The following DIAPH2 variants were observed in gnomAD, a reference collection of about 807,000 sequenced individuals.
DIAPH2 encodes the protein diaphanous related formin 2, also known as protein diaphanous homolog 2.
In DIAPH2, 35 loss-of-function variants were observed where a neutral mutation model predicts 92.7. The ratio of observed to expected loss-of-function variants is 0.38; its 90% confidence interval spans 0.29 to 0.50. DIAPH2 has a LOEUF of 0.50. Ranked by LOEUF, DIAPH2 falls within the 20% of genes least tolerant of loss-of-function variation. The pLI is 0.94. For synonymous variants in DIAPH2, 301 were observed against 280.4 expected, an observed-to-expected ratio of 1.07 and a Z score of -0.73; for missense variants, 701 against 819.5, an observed-to-expected ratio of 0.86 and a Z score of 1.77.
At chrX:97,305,029 G>A (rs991140923) in intron 23 of DIAPH2, among the ~76,000 whole-genome samples, 14 of 111,736 alleles carry the variant, frequency 1.3e-4, no homozygotes, top group Non-Finnish European at 2.6e-4. Context: ...AGGTGAAAAT[G>A]ATTATGTAGG....
chrX:97,549,408 T>A (rs1022393671), intron 26 of DIAPH2, among the ~76,000 whole-genome samples: 1 of 111,761 alleles, frequency 8.9e-6, no homozygotes, highest in Non-Finnish European at 1.9e-5. Context: ...GATACCCCCT[T>A]CACCCAGATT....
At chrX:97,060,057 CT>C (rs1335209087) in intron 17 of DIAPH2, among the ~76,000 whole-genome samples, 1 of 112,666 alleles carries the variant, frequency 8.9e-6, no homozygotes, top group African/African-American at 3.2e-5. Context: ...TATTACAACA[CT>C]TTTGTTCCAA....
At chrX:96,850,043 T>G (rs2064997468) in intron 4 of DIAPH2, among the ~76,000 whole-genome samples, 1 of 111,257 alleles carries the variant, frequency 9.0e-6, no homozygotes, top group African/African-American at 3.3e-5. Context: ...GTAAAATACC[T>G]AGAAATAATT....
At chrX:96,749,266 G>C (rs1367386397) in intron 3 of DIAPH2, among the ~76,000 whole-genome samples, 2 of 107,486 alleles carry the variant, frequency 1.9e-5, no homozygotes, top group Non-Finnish European at 3.8e-5. Flanking sequence ...GTAAAAATGA[G>C]AAAAACATGA....
intron 4 of DIAPH2, among the ~76,000 whole-genome samples, chrX:96,812,128 C>T (rs1454629822): frequency 9.0e-6 from 1 of 111,423 alleles, no homozygotes; most frequent in East Asian, 2.8e-4. Flanking sequence ...TGGTAGAATT[C>T]GGCTGTGAAT....
intron 3 of DIAPH2, among the ~76,000 whole-genome samples, chrX:96,741,623 G>A (rs2064120414): frequency 9.1e-6 from 1 of 109,560 alleles, no homozygotes; most frequent in Admixed American, 9.8e-5. Context: ...CCACAGGCAT[G>A]CAGTGCACCA....
intron 26 of DIAPH2, among the ~76,000 whole-genome samples, chrX:97,575,098 A>G (rs1377615989): frequency 8.8e-6 from 1 of 113,056 alleles, no homozygotes; most frequent in Non-Finnish European, 1.9e-5. Context: ...TATGATTGCT[A>G]TATGATAGCT....
chrX:97,416,354 A>G (rs185644784), intron 25 of DIAPH2, among the ~76,000 whole-genome samples: 2 of 112,125 alleles, frequency 1.8e-5, no homozygotes, highest in Admixed American at 9.5e-5. Flanking sequence ...TTCACATTAG[A>G]CAAGAGGTTG....
chrX:97,072,335 A>AT (rs2066675073), intron 17 of DIAPH2, among the ~76,000 whole-genome samples: 1 of 112,224 alleles, frequency 8.9e-6, no homozygotes, highest in Admixed American at 9.5e-5. Context: ...AGCAAATAGT[A>AT]TTTTTCAAAT....
intron 23 of DIAPH2, among the ~76,000 whole-genome samples, chrX:97,274,334 C>A (rs1268454613): frequency 9.2e-6 from 1 of 108,491 alleles, no homozygotes; most frequent in Non-Finnish European, 1.9e-5. Flanking sequence ...ATGGTGAAAC[C>A]CTGTCTCTAC....
At chrX:97,111,134 G>T (rs2066977740) in intron 20 of DIAPH2, among the ~76,000 whole-genome samples, 1 of 112,253 alleles carries the variant, frequency 8.9e-6, no homozygotes, top group Admixed American at 9.4e-5. Context: ...CCTTCCCACA[G>T]CTGTAGAGGC....
At chrX:97,159,351 A>G (rs2067348088) in intron 22 of DIAPH2, among the ~76,000 whole-genome samples, 1 of 112,247 alleles carries the variant, frequency 8.9e-6, no homozygotes. Flanking sequence ...ATAATATATT[A>G]TGGTTCTCTG....
At chrX:97,416,181 C>T (rs2069944283) in intron 25 of DIAPH2, among the ~76,000 whole-genome samples, 1 of 112,150 alleles carries the variant, frequency 8.9e-6, no homozygotes. Flanking sequence ...AAGGTAAATC[C>T]TTCCCCCTTC....
intron 23 of DIAPH2, among the ~76,000 whole-genome samples, chrX:97,346,956 T>C (rs1165677304): frequency 1.8e-5 from 2 of 110,664 alleles, no homozygotes; most frequent in African/African-American, 3.3e-5. Flanking sequence ...CAAGGTGCCA[T>C]ATTTTGGGGA....
intron 22 of DIAPH2, among the ~76,000 whole-genome samples, chrX:97,194,460 A>AT (rs1264223547): frequency 3.7e-5 from 4 of 109,211 alleles, no homozygotes; most frequent in Non-Finnish European, 7.6e-5. Flanking sequence ...TTCTTTTTGT[A>AT]TTTTTAGTAG....
intron 22 of DIAPH2, among the ~76,000 whole-genome samples, chrX:97,190,618 G>A (rs1456762386): frequency 9.1e-6 from 1 of 110,497 alleles, no homozygotes; most frequent in Non-Finnish European, 1.9e-5. Flanking sequence ...GGAGGCTGAG[G>A]TGGGTGGATC....
intron 19 of DIAPH2, among the ~76,000 whole-genome samples, chrX:97,084,704 A>T (rs1207120816): frequency 9.0e-6 from 1 of 111,378 alleles, no homozygotes; most frequent in East Asian, 2.8e-4. Context: ...TAGTCTTCAG[A>T]GTAGACAAAT....
chrX:97,428,833 T>C (rs756110309), intron 25 of DIAPH2, among the ~76,000 whole-genome samples: 14 of 111,946 alleles, frequency 1.3e-4, no homozygotes, highest in Non-Finnish European at 2.4e-4. Context: ...TTTCTGGCCA[T>C]TGACACCTTG....
At chrX:96,707,312 G>T (rs933978905) in intron 1 of DIAPH2, among the ~76,000 whole-genome samples, 2 of 108,424 alleles carry the variant, frequency 1.8e-5, no homozygotes, top group African/African-American at 6.7e-5. Context: ...GGGATTACAG[G>T]TGTCCGCCAC....
Sources: allele counts gnomAD v4.1 joint callset (sites outside exome capture counted in the v4.1 genomes callset), GRCh38; gene constraint gnomAD v4.1.1; transcripts MANE v1.5; gene names NCBI Gene and HGNC (gene_info 2026-07-23, HGNC 2026-07-21).